The following GMPS variants were observed in gnomAD, a reference collection of about 807,000 sequenced individuals.
GMPS encodes GMP synthase [glutamine-hydrolyzing].
In GMPS, 15 loss-of-function variants were observed where a neutral mutation model predicts 77.9. The observed-to-expected ratio is 0.19, with a 90% CI of 0.13 to 0.30. GMPS has a LOEUF of 0.30. Ranked by LOEUF, GMPS falls within the 10% of genes least tolerant of loss-of-function variation. The pLI, the probability that GMPS is intolerant of heterozygous loss-of-function variation, is 1.00. For synonymous variants in GMPS, 224 were observed against 275.9 expected (o/e 0.81, Z 1.86); for missense variants, 590 against 838.8 (o/e 0.70, Z 3.66).
chr3:155,900,452 A>G (rs935336025), intron 3 of GMPS, among the ~76,000 whole-genome samples: 2 of 151,784 alleles, frequency 1.3e-5, no homozygotes, highest in African/African-American at 4.8e-5. Context: ...TGTTAATCAT[A>G]TAGCACAACT....
chr3:155,882,817 A>T (rs1240133141), intron 1 of GMPS, among the ~76,000 whole-genome samples: 1 of 152,202 alleles, frequency 6.6e-6, no homozygotes, highest in Non-Finnish European at 1.5e-5. Flanking sequence ...CTATGTGGTT[A>T]CCCTGGTAAA....
chr3:155,908,602 T>G (rs923501364), intron 5 of GMPS, among the ~76,000 whole-genome samples: 9 of 152,162 alleles, frequency 5.9e-5, no homozygotes, highest in African/African-American at 2.2e-4. Context: ...TTCCACTGTT[T>G]TGAAGGCAGA....
chr3:155,898,006 G>A lies in GMPS; in HGVS notation c.289G>A (p.Gly97Ser). ...PWFDPAIFTI[G>S]KPVLGICYGM... ...GTTTGATCCAGCAATATTCACTATT[G>A]GCAAGCCTGTTCTTGGAATTTGCTA... Residue 97 changes from glycine to serine, a missense_variant, in exon 3 of 16, where the codon GGC (glycine) becomes AGC (serine). Physicochemically the swap from Gly to Ser is moderately conservative, Grantham distance 56 (BLOSUM62 0). Around this residue, in one of 6 missense-constraint regions of GMPS, gnomAD observed 136 missense variants for 225.6 expected, o/e 0.60. Transcript: ENST00000496455. 6.2e-7 allele frequency: 1 copy of A among 1,609,436 alleles called. No individual in the cohort carries two copies. The highest frequency in any genetic ancestry group is 8.5e-7 in the Non-Finnish European group (1 of 1,175,822).
At chr3:155,870,500 TG>T (rs1281474721), upstream of GMPS, 2 of 214,466 alleles carry the variant, frequency 9.3e-6, no homozygotes, top group Non-Finnish European at 1.9e-5. Flanking sequence ...GGGACCGGGC[TG>T]GGGGCGGGGC....
At chr3:155,929,987 C>T (rs1268377281) in intron 12 of GMPS, among the ~76,000 whole-genome samples, 19 of 149,544 alleles carry the variant, frequency 1.3e-4, no homozygotes, top group Non-Finnish European at 4.5e-5. Flanking sequence ...CTACCAATGA[C>T]TTTCTTCACA....
chr3:155,905,336 A>G (rs1205448998), intron 4 of GMPS, among the ~76,000 whole-genome samples: 2 of 152,184 alleles, frequency 1.3e-5, no homozygotes, highest in Non-Finnish European at 2.9e-5. Flanking sequence ...GTTCTTAGTC[A>G]GATTTTCCAT....
chr3:155,925,445 C>A, intron 12 of GMPS, 79 bp downstream of exon 12: 1 of 1,214,388 alleles, frequency 8.2e-7, no homozygotes. Context: ...CACTGTGTTG[C>A]CCAGGCTGGA....
chr3:155,919,239 GT>G lies in GMPS; in HGVS notation c.1220del (p.Val407GlufsTer2). ...LIRKLREEGK[V>X]IEPLKDFHKD... is the part of the protein sequence containing the mutation. Reference sequence around the variant, plus strand: ...GCTTCTTTCCTCCCTGTAGGGAAAAGTAATAGAACCTCTGAAAGATTTTCAT... The same window carrying G: ...GCTTCTTTCCTCCCTGTAGGGAAAAGAATAGAACCTCTGAAAGATTTTCAT... On this transcript the variant is annotated frameshift_variant, in exon 10 of 16. Coordinates refer to ENST00000496455, the MANE Select transcript of GMPS (RefSeq NM_003875.3). LOFTEE classifies it high-confidence loss of function. The G allele has an allele frequency of 6.5e-7, 1 of 1,528,746 alleles. No homozygotes were observed. Among genetic ancestry groups the G allele is most frequent in the Non-Finnish European group, 9.0e-7 (1 of 1,114,654 alleles). The allele number at this position is 1,528,746 out of a possible 1,614,324, so 94.7% of individuals were successfully genotyped here.
chr3:155,896,301 G>A (rs1754601716), intron 2 of GMPS, among the ~76,000 whole-genome samples: 1 of 152,166 alleles, frequency 6.6e-6, no homozygotes, highest in Admixed American at 6.5e-5. Context: ...GAGCCACCAT[G>A]CCTGGCGTTA....
At chr3:155,917,361 CA>C (rs1259948925) in intron 9 of GMPS, among the ~76,000 whole-genome samples, 3 of 152,254 alleles carry the variant, frequency 2.0e-5, no homozygotes, top group African/African-American at 7.2e-5. Flanking sequence ...TTTCATCTTG[CA>C]AAACAAACTC....
At chr3:155,930,568 C>T (rs1227570475) in intron 12 of GMPS, among the ~76,000 whole-genome samples, 1 of 151,978 alleles carries the variant, frequency 6.6e-6, no homozygotes, top group Admixed American at 6.6e-5. Context: ...TCAGAGTGAA[C>T]AGGCAACCTA....
intron 12 of GMPS, among the ~76,000 whole-genome samples, chr3:155,930,784 ACAGG>A (rs1755594030): frequency 6.6e-6 from 1 of 152,182 alleles, no homozygotes; most frequent in Non-Finnish European, 1.5e-5. Context: ...CTCAAAAAAC[ACAGG>A]CAGATCTTGT....
At chr3:155,871,055 C>T (rs1753892431) in intron 1 of GMPS, among the ~76,000 whole-genome samples, 158 bp downstream of exon 1, 2 of 152,146 alleles carry the variant, frequency 1.3e-5, no homozygotes, top group South Asian at 2.1e-4. Flanking sequence ...CTGGTCGGGG[C>T]CTGTGGCATG....
At chr3:155,886,091 G>A (rs1213455839) in intron 1 of GMPS, among the ~76,000 whole-genome samples, 1 of 152,060 alleles carries the variant, frequency 6.6e-6, no homozygotes, top group East Asian at 1.9e-4. Context: ...AAAGTGCTGG[G>A]ATTACAGGTG....
chr3:155,903,804 T>C, intron 3 of GMPS, 59 bp from the exon 4 acceptor site: 1 of 677,392 alleles, frequency 1.5e-6, no homozygotes, highest in Non-Finnish European at 2.5e-6. Context: ...TAAATCAGTA[T>C]AACAAAATGG....
chr3:155,881,179 T>G (rs914168962), intron 1 of GMPS, among the ~76,000 whole-genome samples: 4 of 146,026 alleles, frequency 2.7e-5, no homozygotes, highest in African/African-American at 1.0e-4. Flanking sequence ...TTTTTTTTTT[T>G]TTTTTTTTTT....
chr3:155,879,958 T>C (rs1347775760), intron 1 of GMPS, among the ~76,000 whole-genome samples: 1 of 151,896 alleles, frequency 6.6e-6, no homozygotes, highest in Non-Finnish European at 1.5e-5. Flanking sequence ...AAGAGTTTTT[T>C]TTTTTTAAGT....
chr3:155,884,388 G>GAA (rs749938205), intron 1 of GMPS, among the ~76,000 whole-genome samples: 5 of 88,492 alleles, frequency 5.7e-5, no homozygotes, highest in Middle Eastern at 6.0e-3. Context: ...TCTGCCTCCA[G>GAA]AAAAAAAAAA....
In GMPS at chr3:155,898,053, A is replaced by G. The variant is rs1754643410; in HGVS notation, c.324+12A>G. ...GCTATGGTATGCAGGTATGTCAGCA[A>G]ATTTGTTTTGAAAGCTTACTTATAT... On this transcript the variant is annotated intron_variant, in intron 3 of 15. Coordinates refer to ENST00000496455, the MANE Select transcript of GMPS (RefSeq NM_003875.3). 7.6e-7 allele frequency: 1 copy of G among 1,319,086 alleles called. No individual in the cohort carries two copies. The highest frequency in any genetic ancestry group is 1.7e-5 in the Admixed American group (1 of 59,658). The allele number at this position is 1,319,086 out of a possible 1,614,324, so 81.7% of individuals were successfully genotyped here.
Sources: gnomAD v4.1 joint callset for allele counts (sites outside exome capture counted in the v4.1 genomes callset) on GRCh38, gnomAD v4.1.1 for gene constraint, gnomAD v4.1.1 regional missense constraint, MANE v1.5 for transcripts, NCBI Gene and HGNC (gene_info 2026-07-23, HGNC 2026-07-21) for gene names.